Variants in GABRB3 observed in about 807,000 individuals in gnomAD.
GABRB3 encodes gamma-aminobutyric acid receptor subunit beta-3.
GABRB3 carries 14 observed loss-of-function variants against 52.1 expected under a neutral mutation model. That is an observed-to-expected ratio of 0.27 (90% CI 0.18 to 0.42). The LOEUF is 0.42. Among genes scored for constraint, GABRB3 ranks in the 10% least tolerant of loss-of-function variants. The pLI, the probability that GABRB3 is intolerant of heterozygous loss-of-function variation, is 1.00. For synonymous variants in GABRB3, 260 were observed against 232.3 expected (o/e 1.12, Z -1.08); for missense variants, 307 against 609.1 (o/e 0.50, Z 5.22).
intron 4 of GABRB3, among the ~76,000 whole-genome samples, chr15:26,606,619 T>G (rs1891804027): frequency 4.6e-5 from 7 of 152,020 alleles, no homozygotes; most frequent in Admixed American, 4.6e-4. Context: ...TTTTACCACT[T>G]TAATTCAACA....
At chr15:26,669,879 T>C (rs953600763) in intron 3 of GABRB3, among the ~76,000 whole-genome samples, 1 of 152,224 alleles carries the variant, frequency 6.6e-6, no homozygotes, top group Non-Finnish European at 1.5e-5. Context: ...AGTTAACCTT[T>C]CCTGTGATTC....
At chr15:26,660,982 C>T (rs1196833137) in intron 3 of GABRB3, among the ~76,000 whole-genome samples, 1 of 151,994 alleles carries the variant, frequency 6.6e-6, no homozygotes, top group East Asian at 1.9e-4. Context: ...GTGGGGGTCT[C>T]CTTATGTTGC....
chr15:26,638,117 T>G (rs567473140), intron 3 of GABRB3, among the ~76,000 whole-genome samples: 1 of 152,282 alleles, frequency 6.6e-6, no homozygotes, highest in South Asian at 2.1e-4. Context: ...TTAGAATTGG[T>G]AGTCAATCAT....
chr15:26,645,203 C>T (rs996726928), intron 3 of GABRB3, among the ~76,000 whole-genome samples: 1 of 152,118 alleles, frequency 6.6e-6, no homozygotes, highest in Non-Finnish European at 1.5e-5. Flanking sequence ...GATTGCACGA[C>T]GCACTACAGC....
chr15:26,717,252 G>C (rs556441367), intron 3 of GABRB3, among the ~76,000 whole-genome samples: 6 of 145,062 alleles, frequency 4.1e-5, no homozygotes, highest in Non-Finnish European at 4.5e-5. Flanking sequence ...TCCACCCTAT[G>C]ACAGCCCAGC....
chr15:26,634,088 T>C (rs574506696), intron 3 of GABRB3, among the ~76,000 whole-genome samples: 1 of 152,052 alleles, frequency 6.6e-6, no homozygotes, highest in South Asian at 2.1e-4. Context: ...TTTGGAGAGG[T>C]TGCTTCTTCT....
intron 4 of GABRB3, chr15:26,615,308 TTA>T (rs1188866969): frequency 6.1e-6 from 6 of 985,270 alleles, no homozygotes; most frequent in Middle Eastern, 5.2e-4. Flanking sequence ...TGTCAAGGAT[TTA>T]TGTTTTATTT....
intron 3 of GABRB3, among the ~76,000 whole-genome samples, chr15:26,700,748 TC>T (rs2140680245): frequency 6.6e-6 from 1 of 152,352 alleles, no homozygotes; most frequent in Non-Finnish European, 1.5e-5. Context: ...AAAGTCAGCA[TC>T]CTTTCCTTGT....
chr15:26,568,601 G>A (rs962269557), intron 6 of GABRB3, among the ~76,000 whole-genome samples: 2 of 148,476 alleles, frequency 1.3e-5, no homozygotes, highest in Non-Finnish European at 3.0e-5. Flanking sequence ...TGGTTCAGGC[G>A]ATTCTCTTGC....
At chr15:26,588,956 A>G (rs1891094778) in intron 4 of GABRB3, among the ~76,000 whole-genome samples, 1 of 152,226 alleles carries the variant, frequency 6.6e-6, no homozygotes, top group Non-Finnish European at 1.5e-5. Context: ...AGTTGTAAGG[A>G]GAGCACTATC....
At chr15:26,772,805 G>A (rs755429819) in intron 1 of GABRB3, 33 bp from the exon 2 acceptor site, 2 of 1,513,306 alleles carry the variant, frequency 1.3e-6, no homozygotes, top group South Asian at 1.2e-5. Context: ...AAAGAGCGGG[G>A]TCAGGGGCGG....
At chr15:26,691,253 T>A (rs528323180) in intron 3 of GABRB3, among the ~76,000 whole-genome samples, 16 of 152,280 alleles carry the variant, frequency 1.1e-4, no homozygotes, top group African/African-American at 3.6e-4. Flanking sequence ...GTTTTGTATA[T>A]GAGTTTCTAT....
At chr15:26,653,695 G>C (rs886743711) in intron 3 of GABRB3, among the ~76,000 whole-genome samples, 1 of 152,162 alleles carries the variant, frequency 6.6e-6, no homozygotes, top group African/African-American at 2.4e-5. Flanking sequence ...GACCCATTGG[G>C]TGGTTACAGT....
intron 3 of GABRB3, among the ~76,000 whole-genome samples, chr15:26,641,475 T>C (rs1298710544): frequency 6.6e-6 from 1 of 152,190 alleles, no homozygotes. Flanking sequence ...AAACTGACAC[T>C]AAAGGAGAAG....
At chr15:26,560,573 T>G (rs1460322713) in intron 8 of GABRB3, among the ~76,000 whole-genome samples, 1 of 152,130 alleles carries the variant, frequency 6.6e-6, no homozygotes, top group East Asian at 1.9e-4. Context: ...TGAAAGTGAC[T>G]GTTGGGCATG....
intron 3 of GABRB3, among the ~76,000 whole-genome samples, chr15:26,670,268 G>A (rs1485634226): frequency 1.3e-5 from 2 of 152,174 alleles, no homozygotes; most frequent in African/African-American, 4.8e-5. Flanking sequence ...ATGGAGGGGC[G>A]GGAGAGGTAA....
intron 6 of GABRB3, among the ~76,000 whole-genome samples, chr15:26,576,626 T>C (rs1488346929): frequency 6.6e-6 from 1 of 152,168 alleles, no homozygotes; most frequent in Non-Finnish European, 1.5e-5. Context: ...AAGAAATCTG[T>C]ATCAAGATGT....
chr15:26,554,062 TAA>T (rs1206571420), intron 8 of GABRB3, among the ~76,000 whole-genome samples: 9 of 122,150 alleles, frequency 7.4e-5, no homozygotes, highest in African/African-American at 2.4e-4. Flanking sequence ...TATTTATATA[TAA>T]AGTGTGTATA....
At chr15:26,700,841 G>A (rs760632105) in intron 3 of GABRB3, among the ~76,000 whole-genome samples, 2 of 152,188 alleles carry the variant, frequency 1.3e-5, no homozygotes, top group Non-Finnish European at 2.9e-5. Flanking sequence ...AGATCATGAG[G>A]TCAGGAGGTC....
Sources: allele counts gnomAD v4.1 joint callset (sites outside exome capture counted in the v4.1 genomes callset), GRCh38; gene constraint gnomAD v4.1.1; transcripts MANE v1.5; gene names NCBI Gene and HGNC (gene_info 2026-07-23, HGNC 2026-07-21).